The following ATAD2B variants were observed in gnomAD, a reference collection of about 807,000 sequenced individuals.
ATAD2B encodes ATPase family AAA domain containing 2B, also known as ATPase family AAA domain-containing protein 2B.
In ATAD2B, 40 loss-of-function variants were observed where a neutral mutation model predicts 167.6. The ratio of observed to expected loss-of-function variants is 0.24; its 90% CI spans 0.19 to 0.31. The LOEUF is 0.31. ATAD2B is among the 10% of genes least tolerant of loss of function. The pLI is 1.00. For synonymous variants in ATAD2B, 579 were observed against 596.5 expected, an observed-to-expected ratio of 0.97 and a Z score of 0.43; for missense variants, 1,242 against 1,757.2, an observed-to-expected ratio of 0.71 and a Z score of 5.24.
rs762617664 is a variant in ATAD2B, at chr2:23,819,736, A to G, written c.2267+11T>C. ...CTCTAAATACAAAGAAAGTTGATATAAATCACTCACATTGTAAAATGAAGG... is the reference window on the plus strand; with the variant it reads ...CTCTAAATACAAAGAAAGTTGATATGAATCACTCACATTGTAAAATGAAGG... On this transcript the variant is annotated intron_variant, in intron 17 of 27. Transcript: ENST00000238789. The G allele has an allele frequency of 6.3e-7, 1 of 1,580,648 alleles. No individual in the cohort carries two copies. The highest frequency in any genetic ancestry group is 8.6e-7 in the Non-Finnish European group (1 of 1,160,742).
chr2:23,881,347 T>C (rs1697862907), intron 6 of ATAD2B, among the ~76,000 whole-genome samples: 1 of 147,190 alleles, frequency 6.8e-6, no homozygotes, highest in Admixed American at 7.0e-5. Flanking sequence ...TTTCTTGACA[T>C]GAGTGATCAA....
In ATAD2B at chr2:23,863,518, T is replaced by C; in HGVS notation, c.1342A>G (p.Thr448Ala). 1 of 1,573,210 alleles carries C rather than the reference T, an allele frequency of 6.4e-7. No individual in the cohort carries two copies. The highest frequency in any genetic ancestry group is 1.8e-5 in the Admixed American group (1 of 54,180). Residue 448 changes from threonine (T) to alanine (A), a missense_variant, in exon 12 of 28, where the codon ACC (threonine) becomes GCC (alanine). By Grantham distance (58) the Thr-to-Ala change is moderately conservative. Transcript: ENST00000238789. Reference protein sequence around the residue: ...LFYGPPGTGKTLVARALANEC... With the variant: ...LFYGPPGTGKALVARALANEC... ...TTAGCTAATGCTCTGGCAACCAAGG[T>C]TTTACCTGTGCCAGGAGGGCCATAA...
Position 23,864,882 on chromosome 2 carries a change from C to T in ATAD2B, c.1231G>A (p.Ala411Thr). ...GGGAATACTACCATTTCCTTTAGCG[C>T]ATGAATATGATGGCTCAATCCACCT... ...SIGGLSHHIH[A>T]LKEMVVFPLL... is the part of the protein sequence containing the mutation. Residue 411 changes from alanine to threonine, a missense_variant, in exon 11 of 28, where the codon GCG (alanine) becomes ACG (threonine). This residue lies in a region of ATAD2B where 127 missense variants were observed against 146.3 expected (regional missense o/e 0.87). Coordinates refer to ENST00000238789, the MANE Select transcript of ATAD2B (RefSeq NM_017552.4). 1 of 1,598,318 alleles carries T rather than the reference C, an allele frequency of 6.3e-7. No individual in the cohort carries two copies. The highest frequency in any genetic ancestry group is 8.5e-7 in the Non-Finnish European group (1 of 1,172,954).
At chr2:23,698,439 G>A in the ATAD2B span, among the ~76,000 whole-genome samples, 2 of 152,210 alleles carry the variant, frequency 1.3e-5, no homozygotes, top group Non-Finnish European at 2.9e-5. Context: ...CAGTGGCAAT[G>A]ATGAGAATTC....
chr2:23,712,494 G>C, the ATAD2B span, among the ~76,000 whole-genome samples: 47 of 152,280 alleles, frequency 3.1e-4, no homozygotes, highest in East Asian at 4.6e-3. Context: ...TTGTGTGATG[G>C]ACTCTCAAGG....
chr2:23,915,750 C>T (rs1702966311), intron 1 of ATAD2B, among the ~76,000 whole-genome samples: 1 of 151,870 alleles, frequency 6.6e-6, no homozygotes. Context: ...TGCCACCAAG[C>T]CCAGCTAATT....
chr2:23,813,351 A>G (rs1685922758), intron 17 of ATAD2B, among the ~76,000 whole-genome samples: 1 of 148,032 alleles, frequency 6.8e-6, no homozygotes. Flanking sequence ...TATGAATTAT[A>G]ATATATAAGT....
chr2:23,901,438 A>G (rs1247427925), intron 1 of ATAD2B, among the ~76,000 whole-genome samples: 1 of 151,394 alleles, frequency 6.6e-6, no homozygotes, highest in African/African-American at 2.4e-5. Flanking sequence ...TTGCAGCCCT[A>G]CTATACATTT....
intron 13 of ATAD2B, among the ~76,000 whole-genome samples, chr2:23,836,841 T>C (rs1690063225): frequency 6.6e-6 from 1 of 152,048 alleles, no homozygotes; most frequent in South Asian, 2.1e-4. Context: ...CCGGGGCTTT[T>C]ATGGGACTCG....
intron 19 of ATAD2B, among the ~76,000 whole-genome samples, chr2:23,793,874 TAC>T (rs1330244174): frequency 6.6e-6 from 1 of 152,180 alleles, no homozygotes; most frequent in African/African-American, 2.4e-5. Context: ...CATCAATATT[TAC>T]AGATTTTAAA....
chr2:23,794,825 T>A (rs1682352231), intron 19 of ATAD2B, among the ~76,000 whole-genome samples: 5 of 152,084 alleles, frequency 3.3e-5, no homozygotes, highest in Admixed American at 2.6e-4. Flanking sequence ...CATATATGCA[T>A]GAAATATTTA....
At chr2:23,795,517 T>C (rs1332461274) in intron 19 of ATAD2B, among the ~76,000 whole-genome samples, 1 of 152,160 alleles carries the variant, frequency 6.6e-6, no homozygotes, top group Non-Finnish European at 1.5e-5. Context: ...TCTGTGCTAC[T>C]CATTCATTCA....
At chr2:23,792,041 TTC>T (rs1681818787) in intron 19 of ATAD2B, among the ~76,000 whole-genome samples, 1 of 152,084 alleles carries the variant, frequency 6.6e-6, no homozygotes, top group African/African-American at 2.4e-5. Context: ...ATTTGTTAAT[TTC>T]TGTTTTTTTT....
chr2:23,805,787 T>C (rs1205305498), intron 18 of ATAD2B, among the ~76,000 whole-genome samples: 2 of 66,738 alleles, frequency 3.0e-5, no homozygotes, highest in African/African-American at 1.6e-4. Flanking sequence ...AATGGCATTA[T>C]CAAGCTTTAA....
At chr2:23,770,902 G>A (rs1678224368) in intron 22 of ATAD2B, among the ~76,000 whole-genome samples, 1 of 152,206 alleles carries the variant, frequency 6.6e-6, no homozygotes, top group Non-Finnish European at 1.5e-5. Context: ...GGATGGTGTT[G>A]AACCTGTGGT....
At chr2:23,681,551 A>G in the ATAD2B span, among the ~76,000 whole-genome samples, 1 of 152,160 alleles carries the variant, frequency 6.6e-6, no homozygotes, top group Non-Finnish European at 1.5e-5. This position sits in a 1 kb window ranked among gnomAD's most constrained non-coding sequence, Gnocchi z 4.2. Context: ...GCCCCTAAGC[A>G]CTGATTAACT....
intron 10 of ATAD2B, among the ~76,000 whole-genome samples, chr2:23,867,152 ATTAG>A (rs1444255983): frequency 6.6e-6 from 1 of 152,210 alleles, no homozygotes; most frequent in Non-Finnish European, 1.5e-5. Context: ...CTAAACATGT[ATTAG>A]TTAAATACAA....
chr2:23,884,036 C>G (rs1463694838), intron 6 of ATAD2B, among the ~76,000 whole-genome samples: 4 of 151,940 alleles, frequency 2.6e-5, no homozygotes, highest in African/African-American at 9.7e-5. Context: ...ACTAGGTACT[C>G]GAAAGGCTGA....
At chr2:23,891,112 C>G (rs1490306972) in intron 2 of ATAD2B, among the ~76,000 whole-genome samples, 1 of 151,660 alleles carries the variant, frequency 6.6e-6, no homozygotes, top group African/African-American at 2.4e-5. Context: ...CCACCATCTC[C>G]CGGGTTCAAG....
Sources: gnomAD v4.1 joint callset for allele counts (sites outside exome capture counted in the v4.1 genomes callset) on GRCh38, gnomAD v4.1.1 for gene constraint, gnomAD v4.1.1 regional missense constraint, Gnocchi (gnomAD v3.1) non-coding constraint, MANE v1.5 for transcripts, NCBI Gene and HGNC (gene_info 2026-07-23, HGNC 2026-07-21) for gene names.